GMPR: variants seen among roughly 807,000 people sequenced by gnomAD.
GMPR encodes the protein guanosine monophosphate reductase.
Under a neutral mutation model 38.4 loss-of-function variants are expected in GMPR, and 31 were observed. That is an observed-to-expected ratio of 0.81 (90% CI 0.61 to 1.09). The LOEUF (loss-of-function observed/expected upper bound fraction) is 1.09, where lower values mean the gene tolerates loss of function less well. GMPR is among the 50% of genes least tolerant of loss of function. The pLI is 0.00. For missense variants in GMPR, 468 were observed against 453.7 expected, an observed-to-expected ratio of 1.03 and a Z score of -0.29; for synonymous variants, 162 against 173.3, an observed-to-expected ratio of 0.93 and a Z score of 0.51.
chr6:16,256,453 C>T (rs370973983), intron 4 of GMPR, among the ~76,000 whole-genome samples: 74 of 142,168 alleles, frequency 5.2e-4, no homozygotes, highest in African/African-American at 1.6e-3. Flanking sequence ...TGCTCGAACC[C>T]GGGAGGCAAA....
At position 16,290,583 on chromosome 6, in the gene GMPR, C is replaced by A. The variant is rs778442053; in HGVS notation, c.819C>A (p.Thr273=). Residue 273 remains threonine, a synonymous_variant, in exon 8 of 9, where the codon ACC becomes ACA. Coordinates refer to ENST00000259727, the MANE Select transcript of GMPR (RefSeq NM_006877.4). Reference sequence around the variant, plus strand: ...TCTTCTACGGGATGAGCTCTGACACCGCCATGAACAAGCACGCAGGAGGAG... The same window carrying A: ...TCTTCTACGGGATGAGCTCTGACACAGCCATGAACAAGCACGCAGGAGGAG... The part of the protein sequence containing the change: ...LKLFYGMSSD[T]AMNKHAGGVA... 1 of 1,614,120 alleles carries A rather than the reference C, an allele frequency of 6.2e-7. No homozygotes were observed. Among genetic ancestry groups the A allele is most frequent in the Non-Finnish European group, 8.5e-7 (1 of 1,180,012 alleles).
At chr6:16,266,120 GCT>G (rs1561826910) in intron 4 of GMPR, among the ~76,000 whole-genome samples, 3 of 57,800 alleles carry the variant, frequency 5.2e-5, no homozygotes, top group African/African-American at 1.8e-4. Flanking sequence ...ATCTTTAAGA[GCT>G]GTAACACTTG....
rs564759222 is a variant in GMPR at position 16,249,436 on chromosome 6, C to T, written c.208-848C>T. 4.8e-4 allele frequency among the ~76,000 whole-genome samples: 73 copies of T among 152,280 alleles called. 1 individual carries two copies. The East Asian group carries it at 6.7e-3, about 14-fold the overall frequency. On this transcript the variant is annotated intron_variant, in intron 2 of 8. Coordinates refer to ENST00000259727, the MANE Select transcript of GMPR (RefSeq NM_006877.4). Reference sequence around the variant, plus strand: ...CCACCCACCTCAGCCTCCCCAAATGCTGGGATTACAGGAATGTGCCACCAC... The same window carrying T: ...CCACCCACCTCAGCCTCCCCAAATGTTGGGATTACAGGAATGTGCCACCAC...
Position 16,254,713 on chromosome 6 carries a change from A to C in GMPR, c.443A>C (p.Lys148Thr). ...GAATTCGTGAAACTTGTCCGTGCCAAATTTCCTGAACACACCATTATGGTA... is the reference window on the plus strand; with the variant it reads ...GAATTCGTGAAACTTGTCCGTGCCACATTTCCTGAACACACCATTATGGTA... ...FVEFVKLVRAKFPEHTIMAGN... is the reference protein window; with the variant it reads ...FVEFVKLVRATFPEHTIMAGN... Residue 148 changes from lysine to threonine, a missense_variant, in exon 4 of 9, where the codon AAA becomes ACA. Lys to Thr is a moderately conservative substitution (Grantham distance 78, BLOSUM62 -1). Transcript: ENST00000259727. The C allele has an allele frequency of 6.2e-7, 1 of 1,613,564 alleles. No individual in the cohort carries two copies. The highest frequency in any genetic ancestry group is 1.3e-5 in the African/African-American group (1 of 75,038).
At chr6:16,256,895 C>T (rs912135341) in intron 4 of GMPR, among the ~76,000 whole-genome samples, 2 of 152,152 alleles carry the variant, frequency 1.3e-5, no homozygotes, top group Non-Finnish European at 2.9e-5. Flanking sequence ...TTGAGATTTC[C>T]TGGGTGGTAG....
intron 4 of GMPR, among the ~76,000 whole-genome samples, chr6:16,255,015 C>CT (rs779608663): frequency 0.024 from 3,459 of 143,892 alleles, 96 homozygotes; most frequent in African/African-American, 0.066. Context: ...GATACTTTTT[C>CT]TTTTTTTTTT....
chr6:16,267,996 C>T (rs534921805), intron 4 of GMPR, among the ~76,000 whole-genome samples: 14 of 152,342 alleles, frequency 9.2e-5, no homozygotes, highest in Admixed American at 2.6e-4. Flanking sequence ...CTGTACGCCT[C>T]TTCACAGAGA....
intron 7 of GMPR, among the ~76,000 whole-genome samples, chr6:16,288,917 T>A (rs997420947): frequency 2.6e-5 from 4 of 152,178 alleles, no homozygotes; most frequent in African/African-American, 9.7e-5. Context: ...TGTGTCTAGC[T>A]CAGGGATTGT....
At chr6:16,243,382 T>C (rs1382628179) in intron 1 of GMPR, among the ~76,000 whole-genome samples, 1 of 152,160 alleles carries the variant, frequency 6.6e-6, no homozygotes, top group African/African-American at 2.4e-5. Flanking sequence ...GGGCATGAGC[T>C]TCTCACGAGC....
chr6:16,287,969 T>C, intron 7 of GMPR, among the ~76,000 whole-genome samples: 1 of 152,212 alleles, frequency 6.6e-6, no homozygotes, highest in Middle Eastern at 3.2e-3. Context: ...CTGATTAGGA[T>C]TTGCCAGGCT....
At chr6:16,273,280 A>G (rs552551135) in intron 4 of GMPR, among the ~76,000 whole-genome samples, 1 of 152,366 alleles carries the variant, frequency 6.6e-6, no homozygotes, top group South Asian at 2.1e-4. Flanking sequence ...CTTCAGTGCA[A>G]AAGACATGAG....
intron 8 of GMPR, among the ~76,000 whole-genome samples, chr6:16,291,946 C>T (rs1336829605): frequency 1.3e-5 from 2 of 151,946 alleles, no homozygotes; most frequent in South Asian, 2.1e-4. Flanking sequence ...AGTATACTCG[C>T]TGCCTCACCC....
At chr6:16,256,604 T>C (rs967482228) in intron 4 of GMPR, among the ~76,000 whole-genome samples, 3 of 146,788 alleles carry the variant, frequency 2.0e-5, no homozygotes, top group East Asian at 4.0e-4. Flanking sequence ...GGTTGGGAAA[T>C]AGAAAAATTC....
chr6:16,268,565 C>A (rs1384570260), intron 4 of GMPR, among the ~76,000 whole-genome samples: 1 of 152,190 alleles, frequency 6.6e-6, no homozygotes, highest in African/African-American at 2.4e-5. Flanking sequence ...CAGGCGTGAG[C>A]CACCGCGCCT....
intron 4 of GMPR, among the ~76,000 whole-genome samples, chr6:16,266,703 C>T (rs1001862122): frequency 1.6e-4 from 24 of 150,512 alleles, no homozygotes; most frequent in African/African-American, 4.4e-4. Flanking sequence ...CCCAGCTACT[C>T]GGGAGGCTGA....
intron 2 of GMPR, among the ~76,000 whole-genome samples, chr6:16,248,038 T>G (rs1172720986): frequency 1.3e-5 from 2 of 151,778 alleles, no homozygotes; most frequent in South Asian, 2.1e-4. Flanking sequence ...AAGACCAGAC[T>G]GGGCAACATG....
chr6:16,279,348 C>T (rs527843234), intron 6 of GMPR, among the ~76,000 whole-genome samples: 3 of 152,156 alleles, frequency 2.0e-5, no homozygotes, highest in South Asian at 2.1e-4. Flanking sequence ...TAGCTTGTGG[C>T]GTCCTCTGTG....
rs779204603 is a variant in GMPR at position 16,250,290 on chromosome 6, A to G, written c.214A>G (p.Met72Val). Reference protein sequence around the residue: ...EMAAVMSQHSMFTAIHKHYSL... With the variant: ...EMAAVMSQHSVFTAIHKHYSL... ...GTGCTGTTTTGTTTTCTAGCACTCC[A>G]TGTTTACAGCAATTCATAAGCATTA... is the stretch of plus-strand genomic sequence containing the variant. The change falls in exon 3 of 9, where the codon ATG (methionine) becomes GTG (valine). Residue 72 changes from methionine to valine, a missense_variant. Physicochemically the swap from Met to Val is conservative, Grantham distance 21. Coordinates refer to ENST00000259727, the MANE Select transcript of GMPR (RefSeq NM_006877.4). The G allele has an allele frequency of 2.5e-6, 4 of 1,597,022 alleles. No homozygotes were observed. The highest frequency in any genetic ancestry group is 2.2e-5 in the East Asian group (1 of 44,806).
intron 4 of GMPR, among the ~76,000 whole-genome samples, chr6:16,261,717 G>A (rs1388270643): frequency 3.3e-5 from 5 of 152,144 alleles, no homozygotes; most frequent in East Asian, 3.9e-4. Flanking sequence ...TCCTTTCAAA[G>A]CATGCTGTGG....
Sources: allele counts gnomAD v4.1 joint callset (sites outside exome capture counted in the v4.1 genomes callset), GRCh38; gene constraint gnomAD v4.1.1; transcripts MANE v1.5; gene names NCBI Gene and HGNC (gene_info 2026-07-23, HGNC 2026-07-21).